Variants in ME1 observed in about 807,000 individuals in gnomAD.
The protein encoded by ME1 is NADP-dependent malic enzyme.
In ME1, 74 loss-of-function variants were observed where a neutral mutation model predicts 66.4. That is an observed-to-expected ratio of 1.11 (90% CI 0.92 to 1.35). The LOEUF (loss-of-function observed/expected upper bound fraction) is 1.35. ME1 is among the 40% of genes most tolerant of loss of function. The probability of loss-of-function intolerance (pLI) is 0.00; values close to 1 mark genes in which losing one functional copy is unlikely to be tolerated. For synonymous variants in ME1, 251 were observed against 235.6 expected, an observed-to-expected ratio of 1.07 and a Z score of -0.60; for missense variants, 750 against 694.1, an observed-to-expected ratio of 1.08 and a Z score of -0.90.
chr6:83,397,426 A>C (rs1769756262), intron 3 of ME1, among the ~76,000 whole-genome samples: 1 of 152,224 alleles, frequency 6.6e-6, no homozygotes, highest in Non-Finnish European at 1.5e-5. Context: ...GCACAGTGAG[A>C]TATCACCTCA....
At position 83,407,528 on chromosome 6, in the gene ME1, G is replaced by C. The variant is rs80286759; in HGVS notation, c.212+240C>G. ...CATTTCCTGATCATTTGCTTTTGCA[G>C]TATCATATGATAAACATGGTCTGTC... On this transcript the variant is annotated intron_variant, in intron 2 of 13. Coordinates refer to ENST00000369705, the MANE Select transcript of ME1 (RefSeq NM_002395.6). 2.9e-3 allele frequency among the ~76,000 whole-genome samples: 440 copies of C among 152,206 alleles called. 1 individual carries two copies. Among genetic ancestry groups the C allele is most frequent in the African/African-American group, 9.7e-3 (402 of 41,528 alleles).
At chr6:83,303,828 A>G (rs1271370099) in intron 6 of ME1, among the ~76,000 whole-genome samples, 15 of 152,168 alleles carry the variant, frequency 9.9e-5, no homozygotes, top group Admixed American at 9.8e-4. Context: ...AGAGTGATGG[A>G]GAGTTCACAA....
At chr6:83,429,034 C>T (rs1190076900) in intron 1 of ME1, among the ~76,000 whole-genome samples, 2 of 151,964 alleles carry the variant, frequency 1.3e-5, no homozygotes, top group African/African-American at 4.8e-5. Flanking sequence ...GAGGCTGAGG[C>T]GGGTGGATCA....
chr6:83,298,513 GCTGT>G (rs771841671), intron 6 of ME1, among the ~76,000 whole-genome samples: 7 of 151,900 alleles, frequency 4.6e-5, no homozygotes, highest in Non-Finnish European at 8.8e-5. Flanking sequence ...CATTCTGTAG[GCTGT>G]CTGTTTACTC....
intron 1 of ME1, among the ~76,000 whole-genome samples, chr6:83,417,943 G>C (rs1428972366): frequency 2.0e-5 from 3 of 152,068 alleles, no homozygotes; most frequent in Non-Finnish European, 4.4e-5. Context: ...TTGATTTAAG[G>C]AGACCACAGA....
At chr6:83,411,965 T>A (rs1470167478) in intron 1 of ME1, among the ~76,000 whole-genome samples, 1 of 152,180 alleles carries the variant, frequency 6.6e-6, no homozygotes, top group African/African-American at 2.4e-5. Context: ...TTCTGGACTG[T>A]GCTAATTAAC....
intron 3 of ME1, among the ~76,000 whole-genome samples, chr6:83,357,935 C>CTATATATATATATA (rs60624497): frequency 3.3e-4 from 10 of 30,030 alleles, no homozygotes; most frequent in Admixed American, 7.2e-4. Context: ...CTCTCTCTCT[C>CTATATATATATATA]TATATATATA....
At chr6:83,290,045 G>A (rs566738961) in intron 6 of ME1, among the ~76,000 whole-genome samples, 4 of 151,866 alleles carry the variant, frequency 2.6e-5, no homozygotes, top group African/African-American at 9.7e-5. Flanking sequence ...AGTCTTGCTA[G>A]AGGGCTATTT....
intron 3 of ME1, among the ~76,000 whole-genome samples, chr6:83,386,754 G>C (rs1299323173): frequency 2.0e-5 from 3 of 150,858 alleles, no homozygotes; most frequent in Non-Finnish European, 4.4e-5. Flanking sequence ...GGTATTAGGA[G>C]ATGGGGCCTT....
chr6:83,392,551 A>G (rs1769641552), intron 3 of ME1: 1 of 549,520 alleles, frequency 1.8e-6, no homozygotes, highest in Non-Finnish European at 3.6e-6. Context: ...CACTGTCTAC[A>G]TGTTCCAGTA....
intron 3 of ME1, among the ~76,000 whole-genome samples, chr6:83,368,146 T>C (rs1353324444): frequency 1.3e-5 from 2 of 152,026 alleles, no homozygotes; most frequent in Non-Finnish European, 2.9e-5. Flanking sequence ...CAGTCTTATA[T>C]GGGAGCGGTT....
chr6:83,395,294 C>T (rs553080669), intron 3 of ME1, among the ~76,000 whole-genome samples: 67 of 151,638 alleles, frequency 4.4e-4, no homozygotes, highest in Middle Eastern at 3.4e-3. Context: ...ACCATGTTGG[C>T]CAGGCTGGTC....
intron 6 of ME1, among the ~76,000 whole-genome samples, chr6:83,309,951 A>T (rs143877167): frequency 4.6e-5 from 7 of 152,240 alleles, no homozygotes; most frequent in African/African-American, 1.7e-4. Context: ...TTCTTATTTT[A>T]AAGTATTTTC....
At chr6:83,425,958 A>G (rs1474340477) in intron 1 of ME1, among the ~76,000 whole-genome samples, 1 of 152,132 alleles carries the variant, frequency 6.6e-6, no homozygotes, top group Non-Finnish European at 1.5e-5. Context: ...GATTTTTATG[A>G]GGTGACTAGT....
intron 6 of ME1, among the ~76,000 whole-genome samples, chr6:83,293,891 C>T (rs377281767): frequency 3.9e-5 from 6 of 152,262 alleles, no homozygotes; most frequent in South Asian, 4.1e-4. Context: ...ATTCTTCTTT[C>T]GCATTTAGTT....
rs200221944 is a variant in ME1, at chr6:83,322,352, T to A, written c.601-6939A>T. On this transcript the variant is annotated intron_variant, in intron 5 of 13. Coordinates refer to ENST00000369705, the MANE Select transcript of ME1 (RefSeq NM_002395.6). ...CTTCAGAAGGTGGGTAATAACAAACTTCTCTGAGCTAAAGGAGCATGTTCT... is the reference window on the plus strand; with the variant it reads ...CTTCAGAAGGTGGGTAATAACAAACATCTCTGAGCTAAAGGAGCATGTTCT... Among the ~76,000 whole-genome samples, 5 of 152,264 alleles carry A rather than the reference T, an allele frequency of 3.3e-5. No individual in the cohort carries two copies. The East Asian group carries it at 9.7e-4, about 29-fold the overall frequency.
In ME1 at chr6:83,413,572, AC is replaced by A. The variant is rs998042397; in HGVS notation, c.79-5672del. Among the ~76,000 whole-genome samples, 29 of 151,998 alleles carry A rather than the reference AC, an allele frequency of 1.9e-4. 1 individual carries two copies. Among genetic ancestry groups the A allele is most frequent in the African/African-American group, 6.0e-4 (25 of 41,486 alleles). The stretch of plus-strand genomic sequence containing the variant: ...TATATATAAAGAGTACAGAAAGAGG[AC>A]CCTTTATATTTTTATTATTTATTAT... On this transcript the variant is annotated intron_variant, in intron 1 of 13. Transcript: ENST00000369705.
At chr6:83,301,213 C>T (rs924627825) in intron 6 of ME1, among the ~76,000 whole-genome samples, 1 of 151,996 alleles carries the variant, frequency 6.6e-6, no homozygotes, top group Non-Finnish European at 1.5e-5. Context: ...AAAAAGTAGG[C>T]AAAGGAAAAC....
intron 6 of ME1, among the ~76,000 whole-genome samples, chr6:83,261,483 T>C (rs1178315656): frequency 6.6e-6 from 1 of 150,650 alleles, no homozygotes; most frequent in Non-Finnish European, 1.5e-5. Context: ...ATTTGTACAT[T>C]TTTGCTTTTG....
Sources: allele counts gnomAD v4.1 joint callset (sites outside exome capture counted in the v4.1 genomes callset), GRCh38; gene constraint gnomAD v4.1.1; transcripts MANE v1.5; gene names NCBI Gene and HGNC (gene_info 2026-07-23, HGNC 2026-07-21).